Variants in EPHA7 observed in about 807,000 individuals in gnomAD.
EPHA7 encodes EPH receptor A7, also known as ephrin type-A receptor 7.
Under a neutral mutation model 112.6 loss-of-function variants are expected in EPHA7, and 25 were observed. The ratio of observed to expected loss-of-function variants is 0.22; its 90% CI spans 0.16 to 0.31. The LOEUF (loss-of-function observed/expected upper bound fraction) is 0.31, where lower values mean the gene tolerates loss of function less well. Ranked by LOEUF, EPHA7 falls within the 10% of genes least tolerant of loss-of-function variation. The pLI, the probability that EPHA7 is intolerant of heterozygous loss-of-function variation, is 1.00. For synonymous variants in EPHA7, 437 were observed against 406.5 expected, an observed-to-expected ratio of 1.07 and a Z score of -0.90; for missense variants, 962 against 1,212.6, an observed-to-expected ratio of 0.79 and a Z score of 3.07.
rs756926967 is a variant in EPHA7 at position 93,419,401 on chromosome 6, C to A, written c.-60G>T. The stretch of plus-strand genomic sequence containing the variant: ...ATCTTGAGTCGTGGATTTTTAAATG[C>A]TGTTTGTTCCGAAGTAGCTTTTGTT... On this transcript the variant is annotated 5_prime_UTR_variant, in exon 1 of 17. Transcript: ENST00000369303. The A allele has an allele frequency of 2.4e-5, 34 of 1,393,018 alleles. No homozygotes were observed. Among genetic ancestry groups the A allele is most frequent in the Non-Finnish European group, 3.2e-5 (32 of 986,688 alleles). The allele number at this position is 1,393,018 out of a possible 1,614,324, so 86.3% of individuals were successfully genotyped here. A position where few individuals can be genotyped will look rare whatever the true frequency, so the allele number is the denominator to read the frequency against.
At chr6:93,323,123 A>C (rs1367822461) in intron 5 of EPHA7, among the ~76,000 whole-genome samples, 10 of 151,688 alleles carry the variant, frequency 6.6e-5, no homozygotes, top group Non-Finnish European at 1.3e-4. Flanking sequence ...TTTTGATTAT[A>C]CATATTTAAG....
chr6:93,395,081 A>G (rs895864278), intron 3 of EPHA7, among the ~76,000 whole-genome samples: 1 of 151,856 alleles, frequency 6.6e-6, no homozygotes, highest in African/African-American at 2.4e-5. Context: ...AATGCATAAT[A>G]TGCAATTTAA....
At chr6:93,398,726 T>A (rs953538953) in intron 3 of EPHA7, among the ~76,000 whole-genome samples, 2 of 152,038 alleles carry the variant, frequency 1.3e-5, no homozygotes, top group Non-Finnish European at 2.9e-5. Flanking sequence ...ACAAGAGAGC[T>A]GTTTGAATTT....
intron 5 of EPHA7, among the ~76,000 whole-genome samples, chr6:93,275,678 T>C (rs1203421949): frequency 6.6e-6 from 1 of 151,890 alleles, no homozygotes; most frequent in Non-Finnish European, 1.5e-5. Context: ...AAAAACAAAA[T>C]TGATAAATTT....
At chr6:93,397,714 C>G (rs141417720) in intron 3 of EPHA7, among the ~76,000 whole-genome samples, 1 of 151,832 alleles carries the variant, frequency 6.6e-6, no homozygotes, top group Non-Finnish European at 1.5e-5. Flanking sequence ...ATAACCGTGC[C>G]CTTTAGGTTT....
intron 5 of EPHA7, among the ~76,000 whole-genome samples, chr6:93,324,072 T>G (rs1774200306): frequency 6.6e-6 from 1 of 151,396 alleles, no homozygotes; most frequent in Non-Finnish European, 1.5e-5. Flanking sequence ...CAACAAATAT[T>G]TTTGAGATTT....
intron 5 of EPHA7, among the ~76,000 whole-genome samples, chr6:93,291,690 C>A (rs1000584404): frequency 7.4e-6 from 1 of 134,544 alleles, no homozygotes; most frequent in Non-Finnish European, 1.6e-5. Context: ...ATGGCGTGAA[C>A]CCGGGAGGCG....
chr6:93,311,000 G>A (rs1029860963), intron 5 of EPHA7, among the ~76,000 whole-genome samples: 4 of 151,250 alleles, frequency 2.6e-5, no homozygotes, highest in African/African-American at 9.7e-5. Context: ...TGAGTGTCTT[G>A]CTACAGTGGT....
intron 3 of EPHA7, among the ~76,000 whole-genome samples, chr6:93,404,208 T>G (rs772169524): frequency 4.6e-5 from 7 of 152,022 alleles, no homozygotes; most frequent in Non-Finnish European, 1.0e-4. Flanking sequence ...TACAATCTGA[T>G]GGCCATCTAA....
At chr6:93,367,584 C>T (rs1046264920) in intron 3 of EPHA7, among the ~76,000 whole-genome samples, 6 of 152,128 alleles carry the variant, frequency 3.9e-5, no homozygotes, top group South Asian at 2.1e-4. Flanking sequence ...GGTAGGATGG[C>T]TTGTTCTTTA....
At chr6:93,320,601 C>CTCTTTCAT (rs1438696645) in intron 5 of EPHA7, among the ~76,000 whole-genome samples, 1 of 151,886 alleles carries the variant, frequency 6.6e-6, no homozygotes, top group African/African-American at 2.4e-5. Context: ...GCTTAGTATT[C>CTCTTTCAT]TCTTTCATGG....
intron 3 of EPHA7, among the ~76,000 whole-genome samples, chr6:93,406,580 T>A (rs905530087): frequency 6.6e-6 from 1 of 151,846 alleles, no homozygotes; most frequent in Non-Finnish European, 1.5e-5. Flanking sequence ...TATTAATATC[T>A]CTGAGCTTCA....
At chr6:93,276,730 A>C (rs1414663498) in intron 5 of EPHA7, among the ~76,000 whole-genome samples, 1 of 152,100 alleles carries the variant, frequency 6.6e-6, no homozygotes, top group Non-Finnish European at 1.5e-5. Context: ...TGTATGTTGA[A>C]ATAGCATGGA....
intron 3 of EPHA7, among the ~76,000 whole-genome samples, chr6:93,387,422 C>A (rs1349973633): frequency 6.6e-6 from 1 of 152,146 alleles, no homozygotes; most frequent in Non-Finnish European, 1.5e-5. Context: ...AAATTCCCAA[C>A]TTTCCCACAT....
At chr6:93,360,920 T>C (rs1013397882) in intron 3 of EPHA7, among the ~76,000 whole-genome samples, 1 of 152,110 alleles carries the variant, frequency 6.6e-6, no homozygotes, top group African/African-American at 2.4e-5. Flanking sequence ...GTTTGACACT[T>C]ACGTAATGGG....
intron 5 of EPHA7, among the ~76,000 whole-genome samples, chr6:93,297,467 A>G (rs536503559): frequency 9.9e-5 from 15 of 152,184 alleles, no homozygotes; most frequent in Non-Finnish European, 2.1e-4. Flanking sequence ...ACCACATTTC[A>G]TAAGAATAAG....
Position 93,263,879 on chromosome 6 carries a change from A to G in EPHA7, c.1779T>C (p.Asp593=), listed in dbSNP as rs1397339950. 1 of 1,609,466 alleles carries G rather than the reference A, an allele frequency of 6.2e-7. No homozygotes were observed. The highest frequency in any genetic ancestry group is 1.3e-5 in the African/African-American group (1 of 74,604). Residue 593 remains aspartate, a synonymous_variant, in exon 9 of 17, where the codon GAT becomes GAC. Transcript: ENST00000369303. ...CGYSKADQEG[D]EELYFHFKFP... is the part of the protein sequence containing the mutation. Reference sequence around the variant, plus strand: ...ACTTACAATGAAAGTAAAGCTCTTCATCGCCTTCTTGGTCAGCTTTGCTAT... The same window carrying G: ...ACTTACAATGAAAGTAAAGCTCTTCGTCGCCTTCTTGGTCAGCTTTGCTAT...
chr6:93,335,974 A>T (rs1291554305), intron 5 of EPHA7, among the ~76,000 whole-genome samples: 1 of 152,088 alleles, frequency 6.6e-6, no homozygotes, highest in East Asian at 1.9e-4. Context: ...TCTTGCTATA[A>T]CCTACAAGAG....
At chr6:93,246,703 A>T (rs772517851) in intron 15 of EPHA7, 89 bp downstream of exon 15, 53 of 1,133,152 alleles carry the variant, frequency 4.7e-5, no homozygotes, top group Non-Finnish European at 5.9e-5. Flanking sequence ...ACAAAAGTCA[A>T]TTTGCCATTG....
Sources: allele counts gnomAD v4.1 joint callset (sites outside exome capture counted in the v4.1 genomes callset), GRCh38; gene constraint gnomAD v4.1.1; transcripts MANE v1.5; gene names NCBI Gene and HGNC (gene_info 2026-07-23, HGNC 2026-07-21).